RABGAP1L: variants seen among roughly 807,000 people sequenced by gnomAD.
RABGAP1L encodes the protein RAB GTPase activating protein 1 like, also known as rab GTPase-activating protein 1-like.
Under a neutral mutation model 137.7 loss-of-function variants are expected in RABGAP1L, and 63 were observed. The ratio of observed to expected loss-of-function variants is 0.46; its 90% confidence interval spans 0.37 to 0.56. The LOEUF is 0.56. Among genes scored for constraint, RABGAP1L ranks in the 20% least tolerant of loss-of-function variants. The pLI is 0.00. For synonymous variants in RABGAP1L, 431 were observed against 433.7 expected (o/e 0.99, Z 0.08); for missense variants, 1,095 against 1,244.0 (o/e 0.88, Z 1.80).
intron 13 of RABGAP1L, among the ~76,000 whole-genome samples, chr1:174,504,337 A>G (rs1245865507): frequency 1.3e-5 from 2 of 151,932 alleles, no homozygotes; most frequent in African/African-American, 4.8e-5. Context: ...AATAACCCTA[A>G]AACTTGTTTT....
At chr1:174,674,821 C>T (rs1677483870) in intron 14 of RABGAP1L, among the ~76,000 whole-genome samples, 1 of 152,212 alleles carries the variant, frequency 6.6e-6, no homozygotes, top group African/African-American at 2.4e-5. Flanking sequence ...TTTTGATTTG[C>T]ATTTCTCTGA....
chr1:174,165,643 GCA>G (rs1664848603), intron 1 of RABGAP1L, among the ~76,000 whole-genome samples: 1 of 151,946 alleles, frequency 6.6e-6, no homozygotes, highest in Non-Finnish European at 1.5e-5. Flanking sequence ...GACTATATAG[GCA>G]CACACCAACA....
chr1:174,576,553 C>T (rs1458920447), intron 13 of RABGAP1L, among the ~76,000 whole-genome samples: 1 of 152,166 alleles, frequency 6.6e-6, no homozygotes, highest in Non-Finnish European at 1.5e-5. Context: ...ATCCTGCATG[C>T]AATTTTATAT....
At position 174,978,804 on chromosome 1, in the gene RABGAP1L, T is replaced by TCCC. The variant is rs1289738649; in HGVS notation, c.2650-3_2650-2insCCC. On this transcript the variant is annotated splice_region_variant and splice_polypyrimidine_tract_variant and intron_variant, in intron 22 of 25. Coordinates refer to ENST00000681986, the MANE Select transcript of RABGAP1L (RefSeq NM_001366446.1). Reference sequence around the variant, plus strand: ...CTGATATTTCTCATTCTATTCTTTCTAGCTAAAAGAAGTCTTCAGGAAACA... The same window carrying TCCC: ...CTGATATTTCTCATTCTATTCTTTCTCCCAGCTAAAAGAAGTCTTCAGGAAACA... 1.3e-6 allele frequency: 2 copies of TCCC among 1,527,708 alleles called. No individual in the cohort carries two copies. Among genetic ancestry groups the TCCC allele is most frequent in the Non-Finnish European group, 1.8e-6 (2 of 1,140,764 alleles). The allele number at this position is 1,527,708 out of a possible 1,614,324, so 94.6% of individuals were successfully genotyped here. A position where few individuals can be genotyped will look rare whatever the true frequency, so the allele number is the denominator to read the frequency against.
chr1:174,287,495 T>TTAAG (rs1347733094), intron 10 of RABGAP1L, among the ~76,000 whole-genome samples: 1 of 152,178 alleles, frequency 6.6e-6, no homozygotes, highest in African/African-American at 2.4e-5. Context: ...CTCTATATCT[T>TTAAG]TGTTTTTGTT....
intron 10 of RABGAP1L, among the ~76,000 whole-genome samples, chr1:174,290,792 G>A (rs976326936): frequency 2.1e-5 from 3 of 143,532 alleles, no homozygotes; most frequent in Non-Finnish European, 4.5e-5. Context: ...ACTGAGTTTC[G>A]CTCCTGTTGC....
chr1:174,447,532 T>C (rs183836996), intron 13 of RABGAP1L, among the ~76,000 whole-genome samples: 19 of 152,254 alleles, frequency 1.2e-4, no homozygotes, highest in African/African-American at 4.1e-4. Flanking sequence ...TTCTTAGCTT[T>C]TCAACCAAAT....
At chr1:174,173,929 C>G (rs935767827) in intron 1 of RABGAP1L, among the ~76,000 whole-genome samples, 3 of 152,120 alleles carry the variant, frequency 2.0e-5, no homozygotes, top group African/African-American at 2.4e-5. Context: ...CTTTACCTAT[C>G]TAGACTCAGT....
intron 1 of RABGAP1L, among the ~76,000 whole-genome samples, chr1:174,194,745 A>G (rs1667449709): frequency 6.6e-6 from 1 of 152,194 alleles, no homozygotes; most frequent in African/African-American, 2.4e-5. Flanking sequence ...AAAAAGCAAC[A>G]GGAAGAGACA....
At chr1:174,758,154 A>G (rs1409557174) in intron 18 of RABGAP1L, among the ~76,000 whole-genome samples, 1 of 152,170 alleles carries the variant, frequency 6.6e-6, no homozygotes, top group Non-Finnish European at 1.5e-5. Flanking sequence ...AACAGTTGTC[A>G]AAACAGCATA....
At chr1:174,282,751 A>T (rs1023194306) in intron 10 of RABGAP1L, among the ~76,000 whole-genome samples, 1 of 152,060 alleles carries the variant, frequency 6.6e-6, no homozygotes. Flanking sequence ...TTTCAGGCCT[A>T]TTACCTATTT....
rs74128387 is a variant in RABGAP1L at position 174,403,524 on chromosome 1, C to G, written c.1710+9379C>G. Among the ~76,000 whole-genome samples the G allele has an allele frequency of 5.8e-3, 874 of 151,948 alleles. 8 individuals carry two copies. The highest frequency in any genetic ancestry group is 0.02 in the African/African-American group (834 of 41,448). ...AAGCAGGCTTAATAGTAGTATCTAC[C>G]GGGATTTTTGTGTAAATTACATAAA... is the stretch of plus-strand genomic sequence containing the variant. On this transcript the variant is annotated intron_variant, in intron 13 of 25. Coordinates refer to ENST00000681986, the MANE Select transcript of RABGAP1L (RefSeq NM_001366446.1).
intron 19 of RABGAP1L, among the ~76,000 whole-genome samples, chr1:174,866,431 G>A (rs948746371): frequency 7.2e-5 from 11 of 152,040 alleles, no homozygotes; most frequent in Middle Eastern, 6.8e-3. Context: ...TGCTCTTAAA[G>A]CATACATAAA....
chr1:174,172,192 GTGTGTGTGTGTGTGTGTGTGTGTGTA>G (rs1161752115), intron 1 of RABGAP1L, among the ~76,000 whole-genome samples: 1 of 130,124 alleles, frequency 7.7e-6, no homozygotes, highest in Admixed American at 7.2e-5. Flanking sequence ...GTGTGTGTGT[GTGTGTGTGTGTGTGTGTGTGTGTGTA>G]TATATGCCAC....
chr1:174,404,297 G>C (rs1649001284), intron 13 of RABGAP1L, among the ~76,000 whole-genome samples: 1 of 152,158 alleles, frequency 6.6e-6, no homozygotes, highest in Non-Finnish European at 1.5e-5. Flanking sequence ...GAGCAGGATA[G>C]GAGAGGGCAT....
chr1:174,420,356 A>C (rs1012505338), intron 13 of RABGAP1L, among the ~76,000 whole-genome samples: 4 of 152,008 alleles, frequency 2.6e-5, no homozygotes, highest in African/African-American at 4.8e-5. Flanking sequence ...TATTTTCACT[A>C]CCTTTTAGTA....
At chr1:174,720,728 T>C (rs973010850) in intron 17 of RABGAP1L, among the ~76,000 whole-genome samples, 1 of 152,162 alleles carries the variant, frequency 6.6e-6, no homozygotes, top group Non-Finnish European at 1.5e-5. Flanking sequence ...TCCATAGAGA[T>C]AGAAAGTAGA....
intron 18 of RABGAP1L, among the ~76,000 whole-genome samples, chr1:174,754,992 G>T (rs1409170146): frequency 6.6e-6 from 1 of 152,174 alleles, no homozygotes; most frequent in Non-Finnish European, 1.5e-5. Context: ...TTTATTTGTA[G>T]AATAGTAATG....
At chr1:174,548,440 A>G (rs1368322878) in intron 13 of RABGAP1L, 32 of 955,490 alleles carry the variant, frequency 3.3e-5, no homozygotes, top group Middle Eastern at 1.1e-3. Flanking sequence ...TTGCTTATAT[A>G]TGGATATATC....
Sources: allele counts gnomAD v4.1 joint callset (sites outside exome capture counted in the v4.1 genomes callset), GRCh38; gene constraint gnomAD v4.1.1; transcripts MANE v1.5; gene names NCBI Gene and HGNC (gene_info 2026-07-23, HGNC 2026-07-21).